HPCAL1: variants seen among roughly 807,000 people sequenced by gnomAD.
HPCAL1 encodes hippocalcin-like protein 1.
Under a neutral mutation model 17.1 loss-of-function variants are expected in HPCAL1, and 8 were observed. The ratio of observed to expected loss-of-function variants is 0.47; its 90% confidence interval spans 0.27 to 0.84. The LOEUF (loss-of-function observed/expected upper bound fraction) is 0.84. Ranked by LOEUF, HPCAL1 falls within the 40% of genes least tolerant of loss-of-function variation. The pLI, the probability that HPCAL1 is intolerant of heterozygous loss-of-function variation, is 0.13. For missense variants in HPCAL1, 165 were observed against 271.1 expected (o/e 0.61, Z 2.75); for synonymous variants, 112 against 111.4 (o/e 1.01, Z -0.03).
chr2:10,418,224 C>T (rs1670794672), intron 2 of HPCAL1, among the ~76,000 whole-genome samples: 1 of 151,814 alleles, frequency 6.6e-6, no homozygotes, highest in East Asian at 1.9e-4. Context: ...TGAGACCAAC[C>T]TGGCCAACAT....
chr2:10,382,239 G>A (rs1220761631), intron 1 of HPCAL1, among the ~76,000 whole-genome samples: 1 of 152,194 alleles, frequency 6.6e-6, no homozygotes, highest in Non-Finnish European at 1.5e-5. Flanking sequence ...AAGGCAAAGC[G>A]ATGGAGATAA....
Position 10,367,346 on chromosome 2 carries a change from G to A in HPCAL1, c.-110-29489G>A, listed in dbSNP as rs1046309157. ...CTCTGTCACCCAGGCTAGAGTGCGA[G>A]CTCGATCATAGCTCACTGCAACCTC... On this transcript the variant is annotated intron_variant, in intron 1 of 4. Coordinates refer to ENST00000307845, the MANE Select transcript of HPCAL1 (RefSeq NM_002149.4). The surrounding 1 kb of genome is among the most constrained non-coding windows in gnomAD (Gnocchi z 4.4). Among the ~76,000 whole-genome samples the A allele has an allele frequency of 6.6e-5, 10 of 151,776 alleles. No homozygotes were observed. Among genetic ancestry groups the A allele is most frequent in the African/African-American group, 9.7e-5 (4 of 41,302 alleles).
At chr2:10,402,705 G>A (rs1468651069) in intron 2 of HPCAL1, among the ~76,000 whole-genome samples, 1 of 152,068 alleles carries the variant, frequency 6.6e-6, no homozygotes, top group African/African-American at 2.4e-5. Flanking sequence ...TGCATGTGAT[G>A]ATTCACTGGA....
chr2:10,378,398 A>T (rs1465474320), intron 1 of HPCAL1, among the ~76,000 whole-genome samples: 1 of 152,120 alleles, frequency 6.6e-6, no homozygotes, highest in South Asian at 2.1e-4. Flanking sequence ...ACCTGCTGCC[A>T]TAACAAAGCT....
intron 1 of HPCAL1, among the ~76,000 whole-genome samples, chr2:10,389,004 G>A (rs553475895): frequency 2.6e-5 from 4 of 152,124 alleles, no homozygotes; most frequent in Admixed American, 6.5e-5. Context: ...AGAAGGTGAC[G>A]TAGGAGGCGG....
In HPCAL1 at chr2:10,395,808, GGAT is replaced by G. The variant is rs1440886113; in HGVS notation, c.-110-1020_-110-1018del. Among the ~76,000 whole-genome samples, 1 of 152,150 alleles carries G rather than the reference GGAT, an allele frequency of 6.6e-6. No homozygotes were observed. The highest frequency in any genetic ancestry group is 2.4e-5 in the African/African-American group (1 of 41,424). ...CCATTTTTCCCCGTCTGTCAAATGGGGATGATGATTGTGCCTGCCTCCCAGGGC... is the reference window on the plus strand; with the variant it reads ...CCATTTTTCCCCGTCTGTCAAATGGGGATGATTGTGCCTGCCTCCCAGGGC... On this transcript the variant is annotated intron_variant, in intron 1 of 4. Coordinates refer to ENST00000307845, the MANE Select transcript of HPCAL1 (RefSeq NM_002149.4). The surrounding 1 kb of genome is among the most constrained non-coding windows in gnomAD (Gnocchi z 4.4).
At chr2:10,414,557 C>A (rs2148011284) in intron 2 of HPCAL1, among the ~76,000 whole-genome samples, 1 of 152,274 alleles carries the variant, frequency 6.6e-6, no homozygotes, top group East Asian at 1.9e-4. Flanking sequence ...ACCCTGGTGA[C>A]CTCATTTTAA....
chr2:10,306,262 A>T (rs763250286), intron 1 of HPCAL1, among the ~76,000 whole-genome samples: 1 of 151,944 alleles, frequency 6.6e-6, no homozygotes, highest in Non-Finnish European at 1.5e-5. Context: ...TCAACTGATG[A>T]GTTGCCAGGC....
intron 1 of HPCAL1, among the ~76,000 whole-genome samples, chr2:10,306,076 C>G (rs1174437079): frequency 6.6e-6 from 1 of 152,206 alleles, no homozygotes; most frequent in Non-Finnish European, 1.5e-5. Flanking sequence ...GAGTACCACA[C>G]TCACTCATGA....
intron 1 of HPCAL1, among the ~76,000 whole-genome samples, chr2:10,369,823 T>G (rs1667098625): frequency 6.6e-6 from 1 of 152,214 alleles, no homozygotes; most frequent in Non-Finnish European, 1.5e-5. Context: ...AAAGGAGGCA[T>G]AGAAGTTCAG....
At position 10,310,946 on chromosome 2, in the gene HPCAL1, G is replaced by T. The variant is rs1662919143; in HGVS notation, c.-111+7769G>T. On this transcript the variant is annotated intron_variant, in intron 1 of 4. Transcript: ENST00000307845. This position sits in a 1 kb window ranked among gnomAD's most constrained non-coding sequence, Gnocchi z 4.5. ...TTCACTCCCATCTTTTCTATTTGCT[G>T]CCCTGTAATCAATTTTTGGAGAGAA... 6.6e-6 allele frequency among the ~76,000 whole-genome samples: 1 copy of T among 152,222 alleles called. No homozygotes were observed. Among genetic ancestry groups the T allele is most frequent in the South Asian group, 2.1e-4 (1 of 4,810 alleles).
intron 1 of HPCAL1, among the ~76,000 whole-genome samples, chr2:10,334,228 A>G (rs987405614): frequency 1.3e-5 from 2 of 152,246 alleles, no homozygotes; most frequent in African/African-American, 4.8e-5. Context: ...TCACGCCTGT[A>G]ATCCCAGCTC....
At chr2:10,410,525 C>T (rs1384654794) in intron 2 of HPCAL1, among the ~76,000 whole-genome samples, 2 of 133,230 alleles carry the variant, frequency 1.5e-5, no homozygotes, top group Non-Finnish European at 3.1e-5. Context: ...CTGTAAGTGA[C>T]TCATTAACTC....
intron 1 of HPCAL1, among the ~76,000 whole-genome samples, chr2:10,382,951 G>C (rs138916346): frequency 6.6e-6 from 1 of 152,314 alleles, no homozygotes; most frequent in Non-Finnish European, 1.5e-5. Flanking sequence ...GGGGAGTGGC[G>C]GCTCGCTTGT....
chr2:10,373,889 C>T (rs1021856110), intron 1 of HPCAL1, among the ~76,000 whole-genome samples: 1 of 152,214 alleles, frequency 6.6e-6, no homozygotes, highest in African/African-American at 2.4e-5. Flanking sequence ...TTGGGAACTT[C>T]TGGGCCAGAC....
intron 1 of HPCAL1, among the ~76,000 whole-genome samples, chr2:10,325,708 C>T (rs992997152): frequency 9.9e-5 from 15 of 152,240 alleles, no homozygotes; most frequent in South Asian, 2.1e-4. Context: ...GGCTTTAAGA[C>T]GTCACAAGCC....
intron 1 of HPCAL1, among the ~76,000 whole-genome samples, chr2:10,391,498 T>C (rs1668692818): frequency 1.3e-5 from 2 of 152,250 alleles, no homozygotes. Flanking sequence ...CAATGTAAAG[T>C]ATACAATTCA....
At chr2:10,366,529 C>T (rs970453106) in intron 1 of HPCAL1, among the ~76,000 whole-genome samples, 1 of 152,218 alleles carries the variant, frequency 6.6e-6, no homozygotes, top group South Asian at 2.1e-4. Context: ...AGCCACCACG[C>T]CTGGCCCCTT....
chr2:10,326,329 T>C (rs188416846), intron 1 of HPCAL1, among the ~76,000 whole-genome samples: 24 of 152,258 alleles, frequency 1.6e-4, no homozygotes, highest in African/African-American at 5.5e-4. Flanking sequence ...CCCAGTGAGG[T>C]GACAGAAGGC....
Sources: gnomAD v4.1 joint callset for allele counts (sites outside exome capture counted in the v4.1 genomes callset) on GRCh38, gnomAD v4.1.1 for gene constraint, Gnocchi (gnomAD v3.1) non-coding constraint, MANE v1.5 for transcripts, NCBI Gene and HGNC (gene_info 2026-07-23, HGNC 2026-07-21) for gene names.